The following NOX4 variants were observed in gnomAD, a reference collection of about 807,000 sequenced individuals.
The protein encoded by NOX4 is NADPH oxidase 4.
In NOX4, 69 loss-of-function variants were observed where a neutral mutation model predicts 87.6. The ratio of observed to expected loss-of-function variants is 0.79; its 90% CI spans 0.65 to 0.96. The LOEUF (loss-of-function observed/expected upper bound fraction) is 0.96. Among genes scored for constraint, NOX4 ranks in the 40% least tolerant of loss-of-function variants. NOX4 has a pLI of 0.00. For missense variants in NOX4, 680 were observed against 681.5 expected (o/e 1.00, Z 0.02); for synonymous variants, 275 against 238.2 (o/e 1.15, Z -1.42).
At chr11:89,540,368 T>C in the NOX4 span, among the ~76,000 whole-genome samples, 1 of 152,176 alleles carries the variant, frequency 6.6e-6, no homozygotes, top group Non-Finnish European at 1.5e-5. Flanking sequence ...AAATTGCCTG[T>C]ACTTACAGCT....
chr11:89,384,478 T>G (rs561657820), intron 11 of NOX4, among the ~76,000 whole-genome samples: 1 of 152,244 alleles, frequency 6.6e-6, no homozygotes, highest in East Asian at 1.9e-4. Flanking sequence ...GTCTGGCTAA[T>G]CTCCCAAACC....
intron 13 of NOX4, among the ~76,000 whole-genome samples, chr11:89,342,926 G>A (rs1946066823): frequency 6.6e-6 from 1 of 152,070 alleles, no homozygotes; most frequent in Non-Finnish European, 1.5e-5. Flanking sequence ...CTTAGTAACA[G>A]ACAATTAATT....
chr11:89,462,975 T>G (rs1195811001), intron 2 of NOX4, among the ~76,000 whole-genome samples: 1 of 151,910 alleles, frequency 6.6e-6, no homozygotes, highest in Non-Finnish European at 1.5e-5. Flanking sequence ...AATACATAGA[T>G]GTAAATTACT....
At chr11:89,424,133 T>C (rs1943242346) in intron 7 of NOX4, among the ~76,000 whole-genome samples, 1 of 151,852 alleles carries the variant, frequency 6.6e-6, no homozygotes, top group Admixed American at 6.6e-5. Flanking sequence ...CAGTCTTTAT[T>C]CAAATCTCTA....
At chr11:89,378,019 C>T (rs1939981054) in intron 11 of NOX4, among the ~76,000 whole-genome samples, 1 of 152,058 alleles carries the variant, frequency 6.6e-6, no homozygotes, top group Non-Finnish European at 1.5e-5. Flanking sequence ...TCTCTGATAC[C>T]ACTTATTTCT....
At chr11:89,428,052 GA>G (rs964939500) in intron 7 of NOX4, among the ~76,000 whole-genome samples, 1 of 152,164 alleles carries the variant, frequency 6.6e-6, no homozygotes, top group African/African-American at 2.4e-5. Flanking sequence ...AGAAGAGAGT[GA>G]GGGCCAACAT....
At chr11:89,474,889 T>C (rs1946099606) in intron 2 of NOX4, among the ~76,000 whole-genome samples, 1 of 151,972 alleles carries the variant, frequency 6.6e-6, no homozygotes, top group Admixed American at 6.6e-5. Flanking sequence ...GTTAATATAC[T>C]TTGAAAATCT....
intron 13 of NOX4, among the ~76,000 whole-genome samples, chr11:89,350,924 T>A (rs1946429735): frequency 6.6e-6 from 1 of 152,250 alleles, no homozygotes; most frequent in African/African-American, 2.4e-5. Context: ...GGCCTCTAAG[T>A]TTCAAGTGAA....
At chr11:89,336,756 C>T (rs1376364200) in intron 16 of NOX4, among the ~76,000 whole-genome samples, 1 of 151,804 alleles carries the variant, frequency 6.6e-6, no homozygotes, top group Non-Finnish European at 1.5e-5. Flanking sequence ...ATTTACATAC[C>T]AAGTAGGGTA....
chr11:89,585,345 AC>A, the NOX4 span, among the ~76,000 whole-genome samples: 2 of 151,866 alleles, frequency 1.3e-5, no homozygotes, highest in Non-Finnish European at 2.9e-5. Flanking sequence ...TTTGTGGTAA[AC>A]TCCTCTTCAT....
In NOX4 at chr11:89,355,503, T is replaced by C. The variant is rs137950279; in HGVS notation, c.1136-460A>G. Among the ~76,000 whole-genome samples the C allele has an allele frequency of 7.1e-3, 1,072 of 151,846 alleles. 12 individuals are homozygous for C. Among genetic ancestry groups the C allele is most frequent in the African/African-American group, 0.025 (1,030 of 41,450 alleles). ...ATATCTTTATGATCAAATCTTATCA[T>C]TGAAAGGTTAGAGAAAATATACATG... is the stretch of plus-strand genomic sequence containing the variant. On this transcript the variant is annotated intron_variant, in intron 12 of 17. Coordinates refer to ENST00000263317, the MANE Select transcript of NOX4 (RefSeq NM_016931.5).
chr11:89,356,101 T>C (rs1033769939), intron 12 of NOX4, among the ~76,000 whole-genome samples: 4 of 152,040 alleles, frequency 2.6e-5, no homozygotes, highest in African/African-American at 9.7e-5. Flanking sequence ...AACTAAGCAA[T>C]GTATTATTTA....
chr11:89,397,988 C>A (rs1045571227), intron 11 of NOX4, among the ~76,000 whole-genome samples: 2 of 152,022 alleles, frequency 1.3e-5, no homozygotes, highest in African/African-American at 4.8e-5. Flanking sequence ...CATCCTGATA[C>A]CAAAGCCCGG....
intron 11 of NOX4, among the ~76,000 whole-genome samples, chr11:89,376,986 C>T (rs886773571): frequency 1.9e-4 from 29 of 151,878 alleles, no homozygotes; most frequent in East Asian, 1.9e-4. Flanking sequence ...TGAATTCAGG[C>T]GGCAGAGGTT....
chr11:89,521,903 T>C, the NOX4 span, among the ~76,000 whole-genome samples: 2 of 151,986 alleles, frequency 1.3e-5, no homozygotes, highest in Non-Finnish European at 2.9e-5. Flanking sequence ...AAAGAAGACA[T>C]ATAAGTAGCC....
chr11:89,417,562 G>T (rs1942852522), intron 8 of NOX4, among the ~76,000 whole-genome samples: 1 of 152,036 alleles, frequency 6.6e-6, no homozygotes, highest in South Asian at 2.1e-4. Flanking sequence ...TATTATAATT[G>T]TTGCCATATC....
chr11:89,414,501 T>G (rs1375482320), intron 8 of NOX4, among the ~76,000 whole-genome samples: 1 of 151,768 alleles, frequency 6.6e-6, no homozygotes, highest in Non-Finnish European at 1.5e-5. Flanking sequence ...AATAAAATAC[T>G]GATAAGAATA....
At chr11:89,523,605 C>A in the NOX4 span, among the ~76,000 whole-genome samples, 1 of 152,278 alleles carries the variant, frequency 6.6e-6, no homozygotes, top group African/African-American at 2.4e-5. Flanking sequence ...ATTCTTATCA[C>A]ACATTCCAAT....
At chr11:89,390,468 AG>A (rs1190058010) in intron 11 of NOX4, among the ~76,000 whole-genome samples, 1 of 152,198 alleles carries the variant, frequency 6.6e-6, no homozygotes, top group Admixed American at 6.6e-5. Context: ...TCTATGAGAT[AG>A]AGTGGTTTTA....
Sources: allele counts gnomAD v4.1 joint callset (sites outside exome capture counted in the v4.1 genomes callset), GRCh38; gene constraint gnomAD v4.1.1; transcripts MANE v1.5; gene names NCBI Gene and HGNC (gene_info 2026-07-23, HGNC 2026-07-21).